Variants in FAT1 observed in about 807,000 individuals in gnomAD.
FAT1 encodes FAT atypical cadherin 1.
FAT1 carries 171 observed loss-of-function variants against 329.8 expected under a neutral mutation model. The observed-to-expected ratio is 0.52, with a 90% CI of 0.46 to 0.59. The LOEUF (loss-of-function observed/expected upper bound fraction) is 0.59. FAT1 is among the 20% of genes least tolerant of loss of function. The pLI, the probability that FAT1 is intolerant of heterozygous loss-of-function variation, is 0.00. For synonymous variants in FAT1, 2,233 were observed against 2,228.6 expected, an observed-to-expected ratio of 1.00 and a Z score of -0.06; for missense variants, 5,672 against 5,774.4, an observed-to-expected ratio of 0.98 and a Z score of 0.57.
At position 186,590,031 on chromosome 4, in the gene FAT1, T is replaced by C. The variant is rs185939927; in HGVS notation, c.13139-811A>G. On this transcript the variant is annotated intron_variant, in intron 26 of 26. Transcript: ENST00000441802. ...TACAATTGAACAAGCGTTGCAAGAT[T>C]ATAACACAGCCTCTGATACACTGTA... is the stretch of plus-strand genomic sequence containing the variant. Among the ~76,000 whole-genome samples the C allele has an allele frequency of 8.8e-3, 1,338 of 152,278 alleles. 8 individuals are homozygous for C. The highest frequency in any genetic ancestry group is 0.014 in the Non-Finnish European group (966 of 68,028).
chr4:186,674,417 T>TC (rs996506253), intron 2 of FAT1, among the ~76,000 whole-genome samples: 8 of 151,922 alleles, frequency 5.3e-5, no homozygotes, highest in Non-Finnish European at 8.8e-5. Flanking sequence ...GGCTCCAGAG[T>TC]CCACACATAA....
At position 186,707,122 on chromosome 4, in the gene FAT1, T is replaced by G. The variant is rs555992573; in HGVS notation, c.2706A>C (p.Arg902Ser). 3.1e-4 allele frequency: 493 copies of G among 1,614,006 alleles called. 4 individuals carry two copies. In the South Asian group the frequency reaches 5.1e-3, roughly 17 times the overall value. ...CAGTGGAGAACAGCTGAGGCTCTTC[T>G]CTGGCTTGGTCCCTGGCCTCAATCT... The part of the protein sequence containing the change: ...SLKIEARDQA[R>S]EEPQLFSTVV... The change falls in exon 2 of 27, where the codon AGA becomes AGC. Residue 902 changes from arginine to serine, a missense_variant. By Grantham distance (110) the Arg-to-Ser change is moderately radical (BLOSUM62 -1). Transcript: ENST00000441802.
At chr4:186,598,267 T>C (rs1738635072) in intron 22 of FAT1, 142 bp from the exon 23 acceptor site, 1 of 766,976 alleles carries the variant, frequency 1.3e-6, no homozygotes, top group Non-Finnish European at 2.0e-6. Context: ...AAAAGTTGGC[T>C]ACATCAACAA....
chr4:186,629,553 T>C (rs543134235), intron 7 of FAT1, among the ~76,000 whole-genome samples: 3 of 152,342 alleles, frequency 2.0e-5, no homozygotes, highest in East Asian at 3.9e-4. Flanking sequence ...CTGCCAATTA[T>C]AAAACATGCT....
chr4:186,642,145 A>G (rs533284209), intron 3 of FAT1, among the ~76,000 whole-genome samples: 4 of 152,306 alleles, frequency 2.6e-5, no homozygotes, highest in South Asian at 2.1e-4. Context: ...TTTCATCCCA[A>G]TGCAATGAAT....
At chr4:186,658,017 C>T (rs1741985859) in intron 3 of FAT1, among the ~76,000 whole-genome samples, 1 of 152,172 alleles carries the variant, frequency 6.6e-6, no homozygotes, top group African/African-American at 2.4e-5. Context: ...CTGCAGCTGC[C>T]AAGGCTCCAA....
chr4:186,685,966 T>A (rs2126651605), intron 2 of FAT1, among the ~76,000 whole-genome samples: 1 of 152,338 alleles, frequency 6.6e-6, no homozygotes, highest in South Asian at 2.1e-4. Context: ...CTCAGATTCC[T>A]ACTCTAAATT....
chr4:186,706,939 T>C lies in FAT1; in HGVS notation c.2889A>G (p.Arg963=). 1.2e-6 allele frequency: 2 copies of C among 1,614,026 alleles called. No homozygotes were observed. The highest frequency in any genetic ancestry group is 1.7e-6 in the Non-Finnish European group (2 of 1,179,888). The change falls in exon 2 of 27, where the codon AGA becomes AGG. Residue 963 remains arginine, a synonymous_variant. Transcript: ENST00000441802. ...CTTCTCCGTGGTCCAGAAGGCTGTA[T>C]CTCACCTGACCAGACTGACCTAAAT... The part of the protein sequence containing the change: ...DPDLGQSGQV[R]YSLLDHGEGN...
At chr4:186,693,268 G>A (rs1486148989) in intron 2 of FAT1, among the ~76,000 whole-genome samples, 1 of 152,162 alleles carries the variant, frequency 6.6e-6, no homozygotes, top group East Asian at 1.9e-4. Context: ...TTCCCTCAAA[G>A]GGAAACGCAA....
At chr4:186,591,360 A>T (rs983241750) in intron 26 of FAT1, among the ~76,000 whole-genome samples, 2 of 152,242 alleles carry the variant, frequency 1.3e-5, no homozygotes, top group Non-Finnish European at 2.9e-5. Context: ...AATTTCAGTA[A>T]TTTTAAAAGA....
At position 186,708,613 on chromosome 4, in the gene FAT1, T is replaced by C. The variant is rs2126697756; in HGVS notation, c.1215A>G (p.Thr405=). 6.2e-7 allele frequency: 1 copy of C among 1,614,010 alleles called. No individual in the cohort carries two copies. Among genetic ancestry groups the C allele is most frequent in the Non-Finnish European group, 8.5e-7 (1 of 1,179,898 alleles). ...YSHLRYVFKS[T]PGKAKFSLNY... is the part of the protein sequence containing the mutation. Reference sequence around the variant, plus strand: ...TTAAACTGAATTTAGCTTTTCCAGGTGTACTTTTAAAAACATACCTCAAAT... The same window carrying C: ...TTAAACTGAATTTAGCTTTTCCAGGCGTACTTTTAAAAACATACCTCAAAT... Residue 405 remains threonine (T), a synonymous_variant, in exon 2 of 27, where the codon ACA becomes ACG. Coordinates refer to ENST00000441802, the MANE Select transcript of FAT1 (RefSeq NM_005245.4).
Position 186,619,313 on chromosome 4 carries a change from A to T in FAT1, c.7273T>A (p.Leu2425Met), listed in dbSNP as rs1739903808. Residue 2425 changes from leucine (L) to methionine (M), a missense_variant, in exon 10 of 27, where the codon TTG becomes ATG. Leu to Met is a conservative substitution (Grantham distance 15, BLOSUM62 2). This residue lies in a region of FAT1 where 3,966 missense variants were observed against 3,915.2 expected (regional missense o/e 1.01). Coordinates refer to ENST00000441802, the MANE Select transcript of FAT1 (RefSeq NM_005245.4). ...TTGCCAGACAGAATGGAATACTGCAACTTGTCTATGTCTGAACTGTCTGCA... is the reference window on the plus strand; with the variant it reads ...TTGCCAGACAGAATGGAATACTGCATCTTGTCTATGTCTGAACTGTCTGCA... ...YDADSSDIDKLQYSILSGNDH... is the reference protein window; with the variant it reads ...YDADSSDIDKMQYSILSGNDH... 1 of 1,614,034 alleles carries T rather than the reference A, an allele frequency of 6.2e-7. No individual in the cohort carries two copies. The highest frequency in any genetic ancestry group is 8.5e-7 in the Non-Finnish European group (1 of 1,179,896).
rs554676447 is a variant in FAT1, at chr4:186,709,969, G to A, written c.-18-124C>T. Reference sequence around the variant, plus strand: ...CACATGGAATATAAATAAATGCAACGGTTTGGGATGTTTTTCATGTTTTCC... The same window carrying A: ...CACATGGAATATAAATAAATGCAACAGTTTGGGATGTTTTTCATGTTTTCC... On this transcript the variant is annotated intron_variant, in intron 1 of 26. Coordinates refer to ENST00000441802, the MANE Select transcript of FAT1 (RefSeq NM_005245.4). 1.5e-4 allele frequency: 127 copies of A among 845,372 alleles called. No individual in the cohort carries two copies. The East Asian group carries it at 2.1e-3, about 14-fold the overall frequency. The allele number at this position is 845,372 out of a possible 1,614,324, so 52.4% of individuals were successfully genotyped here.
intron 7 of FAT1, among the ~76,000 whole-genome samples, chr4:186,629,805 T>C (rs1186952059): frequency 6.6e-6 from 1 of 152,196 alleles, no homozygotes; most frequent in Non-Finnish European, 1.5e-5. Context: ...TCCAGATGCA[T>C]CCACCAAACC....
At chr4:186,597,246 C>G (rs2126396959) in intron 24 of FAT1, 75 bp from the exon 25 acceptor site, 1 of 1,414,876 alleles carries the variant, frequency 7.1e-7, no homozygotes, top group Non-Finnish European at 9.4e-7. Context: ...TCCTTAGAGA[C>G]TGAAGACTAA....
At chr4:186,718,661 C>T (rs1188198094) in intron 1 of FAT1, among the ~76,000 whole-genome samples, 1 of 152,054 alleles carries the variant, frequency 6.6e-6, no homozygotes, top group Non-Finnish European at 1.5e-5. Flanking sequence ...AGCCAGACTC[C>T]GTCTCAAAAA....
At position 186,626,500 on chromosome 4, in the gene FAT1, T is replaced by C. The variant is rs76389267; in HGVS notation, c.4810+1654A>G. On this transcript the variant is annotated intron_variant, in intron 9 of 26. Transcript: ENST00000441802. ...GCACATAAACTGAGCTTCATCAGCC[T>C]ACAGAATGAATGAATGAATGAATGA... Among the ~76,000 whole-genome samples the C allele has an allele frequency of 6.7e-5, 8 of 118,650 alleles. No individual in the cohort carries two copies. The East Asian group carries it at 1.1e-3, about 17-fold the overall frequency. The allele number at this position is 118,650 out of a possible 152,430, so 77.8% of individuals were successfully genotyped here.
Position 186,611,174 on chromosome 4 carries a change from G to T in FAT1, c.9853+212C>A, listed in dbSNP as rs73030815. 0.011 allele frequency among the ~76,000 whole-genome samples: 1,746 copies of T among 152,160 alleles called. 34 individuals are homozygous for T. Among genetic ancestry groups the T allele is most frequent in the African/African-American group, 0.04 (1,651 of 41,504 alleles). ...AGTTAATTTGCTTGTATTTTATAAT[G>T]AACATGCCCAAAATGTATTAAGTAG... On this transcript the variant is annotated intron_variant, in intron 14 of 26. Transcript: ENST00000441802.
intron 2 of FAT1, among the ~76,000 whole-genome samples, chr4:186,677,527 C>T (rs1254061796): frequency 2.7e-5 from 4 of 150,934 alleles, no homozygotes; most frequent in East Asian, 1.9e-4. Flanking sequence ...TATCATATAA[C>T]GGAAGATTTC....
Sources: gnomAD v4.1 joint callset for allele counts (sites outside exome capture counted in the v4.1 genomes callset) on GRCh38, gnomAD v4.1.1 for gene constraint, gnomAD v4.1.1 regional missense constraint, MANE v1.5 for transcripts, NCBI Gene and HGNC (gene_info 2026-07-23, HGNC 2026-07-21) for gene names.